Variants in DHODH observed in about 807,000 individuals in gnomAD.
DHODH encodes the protein dihydroorotate dehydrogenase (quinone).
Under a neutral mutation model 39.7 loss-of-function variants are expected in DHODH, and 30 were observed. The observed-to-expected ratio is 0.76, with a 90% CI of 0.57 to 1.02. The LOEUF is 1.02. Among genes scored for constraint, DHODH ranks in the 50% least tolerant of loss-of-function variants. DHODH has a pLI of 0.00. For missense variants in DHODH, 531 were observed against 520.8 expected, an observed-to-expected ratio of 1.02 and a Z score of -0.19; for synonymous variants, 222 against 213.8, an observed-to-expected ratio of 1.04 and a Z score of -0.34.
rs2041282002 is a variant in DHODH, at chr16:72,026,992, TGTGTGTGTGTG to T, written c.*2794_*2804del. On this transcript the variant is annotated 3_prime_UTR_variant, in exon 9 of 9. Transcript: ENST00000219240. Reference sequence around the variant, plus strand: ...GTGTGTGTGTGTGTGTGTGTGTGTGTGTGTGTGTGTGTGTGTGTTTTTGAGATGGAGTCCTG... The same window carrying T: ...GTGTGTGTGTGTGTGTGTGTGTGTGTTGTGTGTTTTTGAGATGGAGTCCTG... 6.9e-6 allele frequency: 1 copy of T among 144,830 alleles called. No homozygotes were observed. The highest frequency in any genetic ancestry group is 7.0e-5 in the Admixed American group (1 of 14,366). The allele number at this position is 144,830 out of a possible 1,614,324, so 9.0% of individuals were successfully genotyped here. A position where few individuals can be genotyped will look rare whatever the true frequency, so the allele number is the denominator to read the frequency against.
At chr16:72,011,616 T>C (rs2041082123) in intron 1 of DHODH, among the ~76,000 whole-genome samples, 1 of 152,182 alleles carries the variant, frequency 6.6e-6, no homozygotes. Flanking sequence ...GCTTAGATAA[T>C]ATGAACGGAT....
At chr16:72,016,866 T>C in intron 3 of DHODH, 158 bp from the exon 4 acceptor site, 1 of 701,536 alleles carries the variant, frequency 1.4e-6, no homozygotes, top group East Asian at 2.8e-5. Context: ...GATGGTGTTC[T>C]GGCAAGTTCT....
chr16:72,020,347 ATATATATG>A (rs1475309939), intron 4 of DHODH: 2 of 117,240 alleles, frequency 1.7e-5, no homozygotes, highest in African/African-American at 8.5e-5. Flanking sequence ...ATATATATAT[ATATATATG>A]TGTATATATA....
At chr16:72,020,225 A>G (rs1597396545) in intron 4 of DHODH, among the ~76,000 whole-genome samples, 1 of 151,076 alleles carries the variant, frequency 6.6e-6, no homozygotes, top group Admixed American at 6.6e-5. Flanking sequence ...GCAGTGAGCC[A>G]AGATTGTGCC....
In DHODH at chr16:72,025,777, G is replaced by A. The variant is rs1434233577; in HGVS notation, c.*1578G>A. 1 of 152,328 alleles carries A rather than the reference G, an allele frequency of 6.6e-6. No homozygotes were observed. The highest frequency in any genetic ancestry group is 1.5e-5 in the Non-Finnish European group (1 of 68,128). 9.4% of individuals were successfully genotyped at this position (152,328 alleles called of 1,614,324 possible). ...TGCCTGTTCAAAGCTACCCTGTGAG[G>A]CCTGAAGACAGAGCTGCCCTGAAGG... is the stretch of plus-strand genomic sequence containing the variant. On this transcript the variant is annotated 3_prime_UTR_variant, in exon 9 of 9. Transcript: ENST00000219240.
Position 72,011,904 on chromosome 16 carries a change from C to G in DHODH, c.22-146C>G. ...GCAGAAGTATAGATACAGCCTCTGA[C>G]TGTAGAGACCAGTGTCAGCGGAAGG... On this transcript the variant is annotated intron_variant, in intron 1 of 8. Transcript: ENST00000219240. The G allele has an allele frequency of 6.1e-6, 4 of 653,222 alleles. No individual in the cohort carries two copies. In the Admixed American group the frequency reaches 9.8e-5, roughly 16 times the overall value. The allele number at this position is 653,222 out of a possible 1,614,324, so 40.5% of individuals were successfully genotyped here. A position where few individuals can be genotyped will look rare whatever the true frequency, so the allele number is the denominator to read the frequency against.
rs2041149407 is a variant in DHODH, at chr16:72,017,050, C to T, written c.461C>T (p.Ser154Leu). ...TATGGATTTAACAGTCACGGGCTTT[C>T]AGTGGTGGAACACAGGTTACGGGCC... ...NRYGFNSHGL[S>L]VVEHRLRARQ... Residue 154 changes from serine to leucine, a missense_variant, in exon 4 of 9, where the codon TCA becomes TTA. Transcript: ENST00000219240. 6.2e-7 allele frequency: 1 copy of T among 1,613,888 alleles called. No homozygotes were observed. The highest frequency in any genetic ancestry group is 1.7e-5 in the Admixed American group (1 of 59,992).
At chr16:72,010,628 T>C (rs888185743) in intron 1 of DHODH, among the ~76,000 whole-genome samples, 2 of 152,256 alleles carry the variant, frequency 1.3e-5, no homozygotes, top group African/African-American at 4.8e-5. Flanking sequence ...GTGGCAGTGA[T>C]AGAGAAAAGC....
intron 2 of DHODH, 47 bp downstream of exon 2, chr16:72,012,309 G>T (rs778735330): frequency 6.4e-7 from 1 of 1,566,916 alleles, no homozygotes; most frequent in Middle Eastern, 1.7e-4. Context: ...GGCGAAGGCT[G>T]CAGTCCCCTA....
Position 72,012,099 on chromosome 16 carries a change from T to TCGC in DHODH, c.73_75dup (p.Ala25dup), listed in dbSNP as rs778785344. The TCGC allele has an allele frequency of 6.2e-7, 1 of 1,614,188 alleles. No individual in the cohort carries two copies. Among genetic ancestry groups the TCGC allele is most frequent in the Non-Finnish European group, 8.5e-7 (1 of 1,180,014 alleles). On this transcript the variant is annotated inframe_insertion, in exon 2 of 9. Coordinates refer to ENST00000219240, the MANE Select transcript of DHODH (RefSeq NM_001361.5). ...ATCCTGGGGGGAGGAGGACTTCTCT[T>TCGC]CGCCTCCTACCTGATGGCCACGGGA... is the stretch of plus-strand genomic sequence containing the variant.
intron 6 of DHODH, among the ~76,000 whole-genome samples, 183 bp downstream of exon 6, chr16:72,022,658 G>T (rs927858049): frequency 6.6e-6 from 1 of 152,252 alleles, no homozygotes; most frequent in African/African-American, 2.4e-5. Flanking sequence ...ATAAGTGCTT[G>T]AAGGAGTTTT....
In DHODH at chr16:72,022,363, T is replaced by A; in HGVS notation, c.707T>A (p.Val236Glu). 3 of 1,552,434 alleles carry A rather than the reference T, an allele frequency of 1.9e-6. No individual in the cohort carries two copies. The highest frequency in any genetic ancestry group is 2.6e-6 in the Non-Finnish European group (3 of 1,147,650). Residue 236 changes from valine (V) to glutamate (E), a missense_variant and splice_region_variant, in exon 6 of 9, where the codon GTG becomes GAG. Transcript: ENST00000219240. The stretch of plus-strand genomic sequence containing the variant: ...AGCTCTGGCCGTGTGTCGCCCTAGG[T>A]GCTGCAGGAGAGGGATGGCTTGCGG... ...KAELRRLLTK[V>E]LQERDGLRRV...
In DHODH at chr16:72,017,770, C is replaced by CTTTTTTTTTTTTTTTTTTTT. The variant is rs71153696; in HGVS notation, c.517+682_517+683insTTTTTTTTTTTTTTTTTTTT. 4.1e-4 allele frequency among the ~76,000 whole-genome samples: 43 copies of CTTTTTTTTTTTTTTTTTTTT among 103,804 alleles called. 4 individuals carry two copies. Among genetic ancestry groups the CTTTTTTTTTTTTTTTTTTTT allele is most frequent in the African/African-American group, 5.3e-4 (12 of 22,706 alleles). The allele number at this position is 103,804 out of a possible 152,430, so 68.1% of individuals were successfully genotyped here. On this transcript the variant is annotated intron_variant, in intron 4 of 8. Transcript: ENST00000219240. ...CTCTAAAAAAACCAAAAACAACATG[C>CTTTTTTTTTTTTTTTTTTTT]TTTTTTTTTTTTTTTTTTGAGACGG...
Position 72,024,269 on chromosome 16 carries a change from C to A in DHODH, c.*70C>A. On this transcript the variant is annotated 3_prime_UTR_variant, in exon 9 of 9. Transcript: ENST00000219240. ...CTCAGGCAAGCCTTTGTGGCTGGATCATGAGAGGAGGGACTCCATCTTGAG... is the reference window on the plus strand; with the variant it reads ...CTCAGGCAAGCCTTTGTGGCTGGATAATGAGAGGAGGGACTCCATCTTGAG... The A allele has an allele frequency of 6.5e-7, 1 of 1,547,718 alleles. No individual in the cohort carries two copies. Among genetic ancestry groups the A allele is most frequent in the Non-Finnish European group, 8.9e-7 (1 of 1,121,470 alleles).
At chr16:72,019,686 G>T (rs1446816802) in intron 4 of DHODH, among the ~76,000 whole-genome samples, 5 of 152,186 alleles carry the variant, frequency 3.3e-5, no homozygotes, top group Admixed American at 3.3e-4. Flanking sequence ...AAAGGGGCAG[G>T]TGTTAACAAT....
rs570935994 is a variant in DHODH at position 72,024,548 on chromosome 16, A to C, written c.*349A>C. On this transcript the variant is annotated 3_prime_UTR_variant, in exon 9 of 9. Transcript: ENST00000219240. ...TTCTGGTTTGCCATAGGCCCTGCCA[A>C]GATACTGCAGGTCCATCCAGGCCTC... 1.2e-4 allele frequency: 45 copies of C among 379,392 alleles called. 1 individual carries two copies. The East Asian group carries it at 2.6e-3, about 22-fold the overall frequency. The allele number at this position is 379,392 out of a possible 1,614,324, so 23.5% of individuals were successfully genotyped here.
intron 2 of DHODH, chr16:72,013,890 G>T (rs1169840073): frequency 1.9e-5 from 3 of 160,606 alleles, no homozygotes; most frequent in Non-Finnish European, 4.1e-5. Context: ...TCTCCTGAAA[G>T]GTCGCTGGAG....
Position 72,017,110 on chromosome 16 carries a change from A to C in DHODH, c.517+4A>C. 1 of 1,613,970 alleles carries C rather than the reference A, an allele frequency of 6.2e-7. No individual in the cohort carries two copies. The highest frequency in any genetic ancestry group is 8.5e-7 in the Non-Finnish European group (1 of 1,179,900). ...AAGCAGGCCAAGCTCACAGAAGGTA[A>C]AGTGGGGTTGTGTCAGTGGGCCTTT... On this transcript the variant is annotated splice_donor_region_variant and intron_variant, in intron 4 of 8. Transcript: ENST00000219240.
intron 3 of DHODH, chr16:72,016,164 C>T (rs934149557): frequency 6.6e-6 from 1 of 152,240 alleles, no homozygotes; most frequent in Non-Finnish European, 1.5e-5. Flanking sequence ...GGAAAAAGGG[C>T]AGGGATGTTC....
Sources: gnomAD v4.1 joint callset for allele counts (sites outside exome capture counted in the v4.1 genomes callset) on GRCh38, gnomAD v4.1.1 for gene constraint, MANE v1.5 for transcripts, NCBI Gene and HGNC (gene_info 2026-07-23, HGNC 2026-07-21) for gene names.